Variants in OR8G1 observed in about 807,000 individuals in gnomAD.
OR8G1 encodes the protein olfactory receptor 8G1.
For synonymous variants in OR8G1, 129 were observed against 133.3 expected (o/e 0.97, Z 0.22); for missense variants, 372 against 356.2 (o/e 1.04, Z -0.36).
At position 124,254,016 on chromosome 11, in the gene OR8G1, A is replaced by G. The variant is rs375644889; in HGVS notation, c.*3405A>G. 1 of 152,264 alleles carries G rather than the reference A, an allele frequency of 6.6e-6. No individual in the cohort carries two copies. The highest frequency in any genetic ancestry group is 1.5e-5 in the Non-Finnish European group (1 of 68,004). 9.4% of individuals were successfully genotyped at this position (152,264 alleles called of 1,614,324 possible). A position where few individuals can be genotyped will look rare whatever the true frequency, so the allele number is the denominator to read the frequency against. ...CTACAATAAACATGGGAGTGCAGAT[A>G]TTTCTTTGACGTGCTGATTGTATTT... On this transcript the variant is annotated 3_prime_UTR_variant, in exon 3 of 3. Transcript: ENST00000641972.
At chr11:124,246,577 T>C (rs1861812518) in intron 1 of OR8G1, among the ~76,000 whole-genome samples, 1 of 151,692 alleles carries the variant, frequency 6.6e-6, no homozygotes, top group African/African-American at 2.4e-5. Flanking sequence ...GTGGGAGACA[T>C]TGACATACCT....
Position 124,250,222 on chromosome 11 carries a change from C to G in OR8G1, c.547C>G (p.Pro183Ala), listed in dbSNP as rs1392483464. The stretch of plus-strand genomic sequence containing the variant: ...TAACCATTATTTCTGTGATCTTCTT[C>G]CCCTCCTAAAGCTCTCTTGCTCTAG... The part of the protein sequence containing the change: ...LINHYFCDLL[P>A]LLKLSCSSIY... The change falls in exon 3 of 3, where the codon CCC becomes GCC. Residue 183 changes from proline (P) to alanine (A), a missense_variant. Pro to Ala is a conservative substitution (Grantham distance 27). Transcript: ENST00000641972. 1.2e-6 allele frequency: 2 copies of G among 1,613,552 alleles called. No individual in the cohort carries two copies. Among genetic ancestry groups the G allele is most frequent in the African/African-American group, 1.3e-5 (1 of 74,900 alleles).
intron 2 of OR8G1, among the ~76,000 whole-genome samples, chr11:124,248,366 TTTTG>T (rs1565316045): frequency 6.6e-6 from 1 of 151,848 alleles, no homozygotes; most frequent in Non-Finnish European, 1.5e-5. Flanking sequence ...TTGTATGGTT[TTTTG>T]TTTGTTTGCT....
At chr11:124,248,220 T>C (rs1221725802) in intron 2 of OR8G1, among the ~76,000 whole-genome samples, 2 of 151,998 alleles carry the variant, frequency 1.3e-5, no homozygotes, top group African/African-American at 2.4e-5. Context: ...TTCATATTAA[T>C]TGTAAATATT....
intron 1 of OR8G1, among the ~76,000 whole-genome samples, chr11:124,243,747 AG>A (rs773142548): frequency 6.6e-6 from 1 of 152,032 alleles, no homozygotes; most frequent in Non-Finnish European, 1.5e-5. Context: ...CTATTAAAGC[AG>A]GGAATGTGTC....
At chr11:124,241,713 T>C (rs1861762723) in intron 1 of OR8G1, among the ~76,000 whole-genome samples, 1 of 152,082 alleles carries the variant, frequency 6.6e-6, no homozygotes, top group Non-Finnish European at 1.5e-5. Flanking sequence ...AAGTAAATAT[T>C]TACCAGACAT....
chr11:124,244,526 T>C (rs573705778), intron 1 of OR8G1, among the ~76,000 whole-genome samples: 10 of 151,904 alleles, frequency 6.6e-5, no homozygotes, highest in Non-Finnish European at 1.2e-4. Flanking sequence ...AAAATAAAGA[T>C]GAACTATGTC....
chr11:124,253,582 A>ATATT lies in OR8G1; in HGVS notation c.*2977_*2980dup, dbSNP rs1861883649. On this transcript the variant is annotated 3_prime_UTR_variant, in exon 3 of 3. Coordinates refer to ENST00000641972, the MANE Select transcript of OR8G1 (RefSeq NM_001002905.2). ...CTAGTTAACATATATATTACCTAAC[A>ATATT]TATTTATTTGTGTGTGTGTGGTGAG... 1 of 152,126 alleles carries ATATT rather than the reference A, an allele frequency of 6.6e-6. No individual in the cohort carries two copies. The highest frequency in any genetic ancestry group is 1.5e-5 in the Non-Finnish European group (1 of 68,024). The allele number at this position is 152,126 out of a possible 1,614,324, so 9.4% of individuals were successfully genotyped here. A position where few individuals can be genotyped will look rare whatever the true frequency, so the allele number is the denominator to read the frequency against.
intron 1 of OR8G1, among the ~76,000 whole-genome samples, chr11:124,242,927 G>A (rs529452796): frequency 6.6e-6 from 1 of 152,012 alleles, no homozygotes; most frequent in Non-Finnish European, 1.5e-5. Context: ...AGTAACTTGG[G>A]AATATTGTTA....
In OR8G1 at chr11:124,252,588, G is replaced by A. The variant is rs1861875638; in HGVS notation, c.*1977G>A. 1.3e-5 allele frequency: 2 copies of A among 152,052 alleles called. No homozygotes were observed. The highest frequency in any genetic ancestry group is 4.1e-4 in the South Asian group (2 of 4,830). The allele number at this position is 152,052 out of a possible 1,614,324, so 9.4% of individuals were successfully genotyped here. ...TTTCCCTTGCTTCAATGGACTATAA[G>A]CTCGAGTAGAGAATACACACTCAAA... On this transcript the variant is annotated 3_prime_UTR_variant, in exon 3 of 3. Transcript: ENST00000641972.
At chr11:124,246,823 G>A (rs984912487) in intron 1 of OR8G1, among the ~76,000 whole-genome samples, 4 of 148,240 alleles carry the variant, frequency 2.7e-5, no homozygotes, top group Non-Finnish European at 6.0e-5. Flanking sequence ...TGTATTCATT[G>A]ATTACAATGA....
chr11:124,246,178 G>C (rs1291792533), intron 1 of OR8G1, among the ~76,000 whole-genome samples: 1 of 151,834 alleles, frequency 6.6e-6, no homozygotes, highest in Non-Finnish European at 1.5e-5. Flanking sequence ...AATCCATCTT[G>C]AATTAATTTT....
rs936779445 is a variant in OR8G1, at chr11:124,254,111, C to G, written c.*3500C>G. The G allele has an allele frequency of 6.6e-6, 1 of 152,104 alleles. No homozygotes were observed. Among genetic ancestry groups the G allele is most frequent in the Non-Finnish European group, 1.5e-5 (1 of 68,016 alleles). 9.4% of individuals were successfully genotyped at this position (152,104 alleles called of 1,614,324 possible). A position where few individuals can be genotyped will look rare whatever the true frequency, so the allele number is the denominator to read the frequency against. The stretch of plus-strand genomic sequence containing the variant: ...TTCAATTTTTAATTTTTTGAGGAAG[C>G]TTTATGCTGTTTTCCATAATGACTG... On this transcript the variant is annotated 3_prime_UTR_variant, in exon 3 of 3. Coordinates refer to ENST00000641972, the MANE Select transcript of OR8G1 (RefSeq NM_001002905.2).
rs1034319776 is a variant in OR8G1 at position 124,247,782 on chromosome 11, A to T, written c.-96-19A>T. Reference sequence around the variant, plus strand: ...TCATTTATGTATTCATCTGTTGATAATGTTTTGGTTTTTTCCAGTTTGGGG... The same window carrying T: ...TCATTTATGTATTCATCTGTTGATATTGTTTTGGTTTTTTCCAGTTTGGGG... On this transcript the variant is annotated intron_variant, in intron 1 of 2. Coordinates refer to ENST00000641972, the MANE Select transcript of OR8G1 (RefSeq NM_001002905.2). 1 of 151,706 alleles carries T rather than the reference A, an allele frequency of 6.6e-6. No homozygotes were observed. Among genetic ancestry groups the T allele is most frequent in the African/African-American group, 2.4e-5 (1 of 41,370 alleles). The allele number at this position is 151,706 out of a possible 1,614,324, so 9.4% of individuals were successfully genotyped here. A position where few individuals can be genotyped will look rare whatever the true frequency, so the allele number is the denominator to read the frequency against.
Position 124,253,081 on chromosome 11 carries a change from A to ACTAAAATGAAGCTTAAATGTTTCATT in OR8G1, c.*2470_*2471insCTAAAATGAAGCTTAAATGTTTCATT, listed in dbSNP as rs1861879094. 1.3e-5 allele frequency: 2 copies of ACTAAAATGAAGCTTAAATGTTTCATT among 152,218 alleles called. No homozygotes were observed. Among genetic ancestry groups the ACTAAAATGAAGCTTAAATGTTTCATT allele is most frequent in the Non-Finnish European group, 2.9e-5 (2 of 68,040 alleles). 9.4% of individuals were successfully genotyped at this position (152,218 alleles called of 1,614,324 possible). On this transcript the variant is annotated 3_prime_UTR_variant, in exon 3 of 3. Transcript: ENST00000641972. ...AATTTGTAAACATTACTAAAAAATT[A>ACTAAAATGAAGCTTAAATGTTTCATT]ACAGCTTAAATGAAGATAAAACAAT...
At chr11:124,248,637 G>T (rs116204442) in intron 2 of OR8G1, among the ~76,000 whole-genome samples, 1 of 151,856 alleles carries the variant, frequency 6.6e-6, no homozygotes, top group Non-Finnish European at 1.5e-5. Flanking sequence ...TAATTTGCCT[G>T]ATCATAGTTT....
intron 1 of OR8G1, among the ~76,000 whole-genome samples, chr11:124,241,902 TC>T (rs1345385453): frequency 1.3e-5 from 2 of 152,038 alleles, no homozygotes; most frequent in African/African-American, 4.8e-5. Flanking sequence ...GTGTACTTTA[TC>T]CTAAGTGTAA....
At chr11:124,248,848 G>T (rs924663952) in intron 2 of OR8G1, among the ~76,000 whole-genome samples, 1 of 151,980 alleles carries the variant, frequency 6.6e-6, no homozygotes, top group African/African-American at 2.4e-5. Context: ...TGATGATCTT[G>T]CTTACTTTCT....
At chr11:124,245,939 C>T (rs560075132) in intron 1 of OR8G1, among the ~76,000 whole-genome samples, 57 of 141,194 alleles carry the variant, frequency 4.0e-4, no homozygotes, top group African/African-American at 1.3e-3. Flanking sequence ...GAGTAGGTTG[C>T]GAAAATTTTC....
Sources: gnomAD v4.1 joint callset for allele counts (sites outside exome capture counted in the v4.1 genomes callset) on GRCh38, gnomAD v4.1.1 for gene constraint, MANE v1.5 for transcripts, NCBI Gene and HGNC (gene_info 2026-07-23, HGNC 2026-07-21) for gene names.